Variants in PARD3B observed in about 807,000 individuals in gnomAD.
PARD3B encodes the protein par-3 family cell polarity regulator beta.
A neutral mutation model predicts 130.2 loss-of-function variants in PARD3B; 103 were observed. The ratio of observed to expected loss-of-function variants is 0.79; its 90% CI spans 0.67 to 0.93. The LOEUF (loss-of-function observed/expected upper bound fraction) is 0.93. Ranked by LOEUF, PARD3B falls within the 40% of genes least tolerant of loss-of-function variation. The pLI is 0.00. For synonymous variants in PARD3B, 583 were observed against 553.2 expected, an observed-to-expected ratio of 1.05 and a Z score of -0.76; for missense variants, 1,609 against 1,499.2, an observed-to-expected ratio of 1.07 and a Z score of -1.21.
chr2:205,289,383 C>T (rs1574607332), intron 16 of PARD3B, among the ~76,000 whole-genome samples: 1 of 152,174 alleles, frequency 6.6e-6, no homozygotes, highest in South Asian at 2.1e-4. Flanking sequence ...TGATGCTAAG[C>T]GGTGACATGT....
chr2:204,685,514 T>A (rs902819108), intron 1 of PARD3B, among the ~76,000 whole-genome samples: 1 of 152,196 alleles, frequency 6.6e-6, no homozygotes, highest in Non-Finnish European at 1.5e-5. Context: ...AGCAGTTTTT[T>A]AAAAAGCGAT....
chr2:204,829,174 T>C (rs1198217740), intron 2 of PARD3B, among the ~76,000 whole-genome samples: 2 of 152,236 alleles, frequency 1.3e-5, no homozygotes, highest in Non-Finnish European at 2.9e-5. Flanking sequence ...ATAGCAGCAA[T>C]GTAAGGAATA....
chr2:204,837,448 T>C (rs1169239037), intron 2 of PARD3B, among the ~76,000 whole-genome samples: 1 of 151,536 alleles, frequency 6.6e-6, no homozygotes, highest in Non-Finnish European at 1.5e-5. Context: ...TGAGACAGAT[T>C]CTTACTCTGT....
At chr2:205,520,684 A>G (rs1316968626) in intron 21 of PARD3B, among the ~76,000 whole-genome samples, 1 of 151,552 alleles carries the variant, frequency 6.6e-6, no homozygotes, top group Non-Finnish European at 1.5e-5. Flanking sequence ...TTTTCTTTCT[A>G]TACACACACA....
At chr2:205,386,725 G>A (rs867996744) in intron 18 of PARD3B, among the ~76,000 whole-genome samples, 1 of 150,480 alleles carries the variant, frequency 6.6e-6, no homozygotes, top group Non-Finnish European at 1.5e-5. Flanking sequence ...AACAACTGGG[G>A]CACCGAGCAG....
At chr2:205,587,799 G>A (rs559194487) in intron 22 of PARD3B, among the ~76,000 whole-genome samples, 8 of 152,294 alleles carry the variant, frequency 5.3e-5, no homozygotes, top group South Asian at 4.1e-4. Context: ...GAGCTATTTC[G>A]TTTCCTCCCT....
At chr2:205,032,183 T>C (rs1697474050) in intron 3 of PARD3B, among the ~76,000 whole-genome samples, 1 of 152,056 alleles carries the variant, frequency 6.6e-6, no homozygotes, top group African/African-American at 2.4e-5. Context: ...TCAATAATAA[T>C]CCGTGGATCA....
intron 2 of PARD3B, among the ~76,000 whole-genome samples, chr2:204,696,228 T>C (rs6718622): frequency 0.018 from 2,668 of 152,046 alleles, 58 homozygotes; most frequent in African/African-American, 0.061. Context: ...ACAGCTGACC[T>C]TCCGTTAAAT....
intron 1 of PARD3B, among the ~76,000 whole-genome samples, chr2:204,663,322 A>G (rs1488716487): frequency 6.6e-6 from 1 of 152,174 alleles, no homozygotes; most frequent in Non-Finnish European, 1.5e-5. Flanking sequence ...CTTCTACTGA[A>G]TTTTAGTGCC....
At chr2:204,712,538 C>T (rs996296441) in intron 2 of PARD3B, among the ~76,000 whole-genome samples, 3 of 147,112 alleles carry the variant, frequency 2.0e-5, no homozygotes, top group East Asian at 2.1e-4. Flanking sequence ...AGCTTGAACC[C>T]GGGAGGCAGA....
intron 2 of PARD3B, among the ~76,000 whole-genome samples, chr2:204,874,272 C>T (rs747684081): frequency 6.6e-6 from 1 of 152,184 alleles, no homozygotes; most frequent in Non-Finnish European, 1.5e-5. Context: ...CCCTGTATTA[C>T]ATCAGGGTAC....
chr2:205,132,895 A>T (rs530591014), intron 10 of PARD3B, among the ~76,000 whole-genome samples: 3 of 152,274 alleles, frequency 2.0e-5, no homozygotes, highest in Non-Finnish European at 2.9e-5. Flanking sequence ...TGCCTAGAGC[A>T]TAGTGTATGC....
chr2:204,899,745 T>C (rs1363114379), intron 2 of PARD3B, among the ~76,000 whole-genome samples: 1 of 152,200 alleles, frequency 6.6e-6, no homozygotes, highest in East Asian at 1.9e-4. Flanking sequence ...CTCATCAACA[T>C]CCTTCTCTTT....
At position 205,158,701 on chromosome 2, in the gene PARD3B, T is replaced by A. The variant is rs752490216; in HGVS notation, c.1435-21T>A. 6.3e-7 allele frequency: 1 copy of A among 1,588,940 alleles called. No individual in the cohort carries two copies. The highest frequency in any genetic ancestry group is 1.1e-5 in the South Asian group (1 of 89,458). ...ATCTGCTTTCTTCTCTTCACTCTTT[T>A]CATGTGTATTCCCCTAACAGAAAGG... On this transcript the variant is annotated intron_variant, in intron 10 of 22. Coordinates refer to ENST00000406610, the MANE Select transcript of PARD3B (RefSeq NM_001302769.2). The surrounding 1 kb of genome is among the most constrained non-coding windows in gnomAD (Gnocchi z 5.4).
chr2:204,640,965 ATAAT>A, intron 1 of PARD3B, among the ~76,000 whole-genome samples: 1 of 147,952 alleles, frequency 6.8e-6, no homozygotes, highest in Admixed American at 6.8e-5. Context: ...TACTGTATAT[ATAAT>A]ATATATTTAC....
Position 204,669,757 on chromosome 2 carries a change from G to A in PARD3B, c.121-16424G>A, listed in dbSNP as rs1039397683. ...GTAGCATAAAAGTAAAGGTAGAGCC[G>A]ACAGAAATGGGAAGGGAAGGGGTGG... is the stretch of plus-strand genomic sequence containing the variant. On this transcript the variant is annotated intron_variant, in intron 1 of 22. Transcript: ENST00000406610. The surrounding 1 kb of genome is among the most constrained non-coding windows in gnomAD (Gnocchi z 4.3). 7.9e-5 allele frequency among the ~76,000 whole-genome samples: 12 copies of A among 152,234 alleles called. No individual in the cohort carries two copies. The highest frequency in any genetic ancestry group is 3.4e-3 in the Middle Eastern group (1 of 294).
intron 2 of PARD3B, among the ~76,000 whole-genome samples, chr2:204,695,552 G>C (rs114159992): frequency 7.6e-4 from 116 of 152,184 alleles, no homozygotes; most frequent in African/African-American, 2.6e-3. Flanking sequence ...ATTTTAAGCT[G>C]TCTCAACCTC....
intron 20 of PARD3B, among the ~76,000 whole-genome samples, chr2:205,499,454 AAATGAATGCT>A (rs2050075785): frequency 6.6e-6 from 1 of 152,150 alleles, no homozygotes; most frequent in Admixed American, 6.5e-5. Context: ...AGCCTCATGG[AAATGAATGCT>A]AACATATTCC....
chr2:205,305,957 C>T (rs577895001), intron 18 of PARD3B, among the ~76,000 whole-genome samples: 30 of 152,182 alleles, frequency 2.0e-4, no homozygotes, highest in African/African-American at 5.3e-4. Context: ...ATTAAGGTTG[C>T]GGGTGGAATT....
Sources: allele counts gnomAD v4.1 joint callset (sites outside exome capture counted in the v4.1 genomes callset), GRCh38; gene constraint gnomAD v4.1.1; non-coding constraint Gnocchi (gnomAD v3.1); transcripts MANE v1.5; gene names NCBI Gene and HGNC (gene_info 2026-07-23, HGNC 2026-07-21).